The following TRIM11 variants were observed in gnomAD, a reference collection of about 807,000 sequenced individuals.
TRIM11 encodes E3 ubiquitin-protein ligase TRIM11.
Under a neutral mutation model 33.4 loss-of-function variants are expected in TRIM11, and 15 were observed. The ratio of observed to expected loss-of-function variants is 0.45; its 90% CI spans 0.30 to 0.69. The LOEUF (loss-of-function observed/expected upper bound fraction) is 0.69. Ranked by LOEUF, TRIM11 falls within the 30% of genes least tolerant of loss-of-function variation. The probability of loss-of-function intolerance (pLI) is 0.08; values close to 1 mark genes in which losing one functional copy is unlikely to be tolerated. For missense variants in TRIM11, 499 were observed against 667.6 expected, an observed-to-expected ratio of 0.75 and a Z score of 2.78; for synonymous variants, 281 against 302.6, an observed-to-expected ratio of 0.93 and a Z score of 0.74.
In TRIM11 at chr1:228,405,997, C is replaced by G. The variant is rs189031860; in HGVS notation, c.408+157G>C. ...GCCCCCACAGCCACCCTGCGCGACACCCCCCTCACAGGCCCACAGCAGGCT... is the reference window on the plus strand; with the variant it reads ...GCCCCCACAGCCACCCTGCGCGACAGCCCCCTCACAGGCCCACAGCAGGCT... On this transcript the variant is annotated intron_variant, in intron 1 of 5. Coordinates refer to ENST00000284551, the MANE Select transcript of TRIM11 (RefSeq NM_145214.3). 2.1e-3 allele frequency: 1,710 copies of G among 830,580 alleles called. 21 individuals are homozygous for G. In the African/African-American group the frequency reaches 0.028, roughly 14 times the overall value. The allele number at this position is 830,580 out of a possible 1,614,324, so 51.5% of individuals were successfully genotyped here.
At position 228,401,778 on chromosome 1, in the gene TRIM11, C is replaced by T. The variant is rs1208059474; in HGVS notation, c.504+288G>A. On this transcript the variant is annotated intron_variant, in intron 2 of 5. Coordinates refer to ENST00000284551, the MANE Select transcript of TRIM11 (RefSeq NM_145214.3). This position sits in a 1 kb window ranked among gnomAD's most constrained non-coding sequence, Gnocchi z 6.1. ...AGTCCCTCAAAACCTCCAAATTTAC[C>T]TCCAGGGCCCAGACCCTAAATACAC... Among the ~76,000 whole-genome samples, 8 of 152,172 alleles carry T rather than the reference C, an allele frequency of 5.3e-5. No homozygotes were observed. The highest frequency in any genetic ancestry group is 5.2e-4 in the Admixed American group (8 of 15,284).
At chr1:228,399,469 G>A (rs1241153810) in intron 3 of TRIM11, among the ~76,000 whole-genome samples, 1 of 56,606 alleles carries the variant, frequency 1.8e-5, no homozygotes, top group Admixed American at 2.5e-4. Context: ...CCGCCCACAT[G>A]CCACAATGTC....
Position 228,395,102 on chromosome 1 carries a change from A to T in TRIM11, c.1010T>A (p.Phe337Tyr). ...CTCCCAGTAGTGGCGGCCTGAGGTG[A>T]AGCGCTCCTGGCCCAGCACGCAGGG... Reference protein sequence around the residue: ...PGPCVLGQERFTSGRHYWEVE... With the variant: ...PGPCVLGQERYTSGRHYWEVE... Residue 337 changes from phenylalanine to tyrosine, a missense_variant, in exon 6 of 6, where the codon TTC becomes TAC. By Grantham distance (22) the Phe-to-Tyr change is conservative. Transcript: ENST00000284551. The surrounding 1 kb of genome is among the most constrained non-coding windows in gnomAD (Gnocchi z 4.8). The T allele has an allele frequency of 6.3e-7, 1 of 1,599,502 alleles. No individual in the cohort carries two copies. The highest frequency in any genetic ancestry group is 8.5e-7 in the Non-Finnish European group (1 of 1,173,542).
Position 228,400,980 on chromosome 1 carries a change from G to T in TRIM11, c.719C>A (p.Ala240Asp). 1 of 1,582,296 alleles carries T rather than the reference G, an allele frequency of 6.3e-7. No individual in the cohort carries two copies. Among genetic ancestry groups the T allele is most frequent in the Non-Finnish European group, 8.6e-7 (1 of 1,163,172 alleles). Residue 240 changes from alanine (A) to aspartate (D), a missense_variant, in exon 3 of 6, where the codon GCT (alanine) becomes GAT (aspartate). Transcript: ENST00000284551. This position sits in a 1 kb window ranked among gnomAD's most constrained non-coding sequence, Gnocchi z 4.5. ...CCAGCTCACCTGCAGCAGCCCCAGA[G>T]CAGGCAGCTGGCAGCGGCCCTCGAG... ...AELEGRCQLP[A>D]LGLLQDIKDA...
chr1:228,397,539 C>T (rs367853025), intron 3 of TRIM11: 81 of 237,076 alleles, frequency 3.4e-4, no homozygotes, highest in African/African-American at 1.7e-3. Flanking sequence ...AGCATAGGGG[C>T]ACCTCCACCC....
At position 228,394,735 on chromosome 1, in the gene TRIM11, A is replaced by G. The variant is rs201535262; in HGVS notation, c.1377T>C (p.Gly459=). 34 of 1,609,560 alleles carry G rather than the reference A, an allele frequency of 2.1e-5. No individual in the cohort carries two copies. Among genetic ancestry groups the G allele is most frequent in the Non-Finnish European group, 2.9e-5 (34 of 1,176,800 alleles). The change falls in exon 6 of 6, where the codon GGT becomes GGC. Residue 459 remains glycine, a synonymous_variant. Transcript: ENST00000284551. The surrounding 1 kb of genome is among the most constrained non-coding windows in gnomAD (Gnocchi z 6.2). The part of the protein sequence containing the change: ...PTPMTICRPK[G]GSGDTLAPQ ...GGGGAGCCAGGGTGTCCCCGGACCC[A>G]CCTTTCGGCCGGCAGATAGTCATCG...
At chr1:228,397,361 T>G (rs2074995835) in intron 3 of TRIM11, 196 bp from the exon 4 acceptor site, 2 of 648,124 alleles carry the variant, frequency 3.1e-6, no homozygotes, top group South Asian at 4.1e-5. Flanking sequence ...GGCTCTGACA[T>G]GTGTGCCAGG....
In TRIM11 at chr1:228,400,700, T is replaced by A. The variant is rs1360139976; in HGVS notation, c.735+264A>T. ...GACGAGATGGAGTGACCTTATGTAATCACTTAAGAAACATCAACTGTTTAC... is the reference window on the plus strand; with the variant it reads ...GACGAGATGGAGTGACCTTATGTAAACACTTAAGAAACATCAACTGTTTAC... On this transcript the variant is annotated intron_variant, in intron 3 of 5. Coordinates refer to ENST00000284551, the MANE Select transcript of TRIM11 (RefSeq NM_145214.3). This position sits in a 1 kb window ranked among gnomAD's most constrained non-coding sequence, Gnocchi z 4.5. Among the ~76,000 whole-genome samples, 1 of 152,160 alleles carries A rather than the reference T, an allele frequency of 6.6e-6. No homozygotes were observed. Among genetic ancestry groups the A allele is most frequent in the Non-Finnish European group, 1.5e-5 (1 of 68,026 alleles).
At chr1:228,404,599 T>C (rs1015193344) in intron 1 of TRIM11, 7 of 152,230 alleles carry the variant, frequency 4.6e-5, no homozygotes, top group African/African-American at 1.4e-4. Context: ...CTCTCTGTAC[T>C]CCTATCTGCC....
Position 228,406,225 on chromosome 1 carries a change from C to T in TRIM11, c.337G>A (p.Ala113Thr). ...CGDELRLLCA[A>T]CERSGEHWAH... ...CAGTGCTCCCCAGAGCGCTCGCAGG[C>T]CGCACACAGGAGGCGCAGCTCGTCG... is the stretch of plus-strand genomic sequence containing the variant. Residue 113 changes from alanine (A) to threonine (T), a missense_variant, in exon 1 of 6, where the codon GCC becomes ACC. By Grantham distance (58) the Ala-to-Thr change is moderately conservative. Coordinates refer to ENST00000284551, the MANE Select transcript of TRIM11 (RefSeq NM_145214.3). The surrounding 1 kb of genome is among the most constrained non-coding windows in gnomAD (Gnocchi z 8.2). 1 of 1,489,212 alleles carries T rather than the reference C, an allele frequency of 6.7e-7. No individual in the cohort carries two copies. The highest frequency in any genetic ancestry group is 1.3e-5 in the South Asian group (1 of 79,126). 92.2% of individuals were successfully genotyped at this position (1,489,212 alleles called of 1,614,324 possible).
rs1266710043 is a variant in TRIM11, at chr1:228,400,934, G to C, written c.735+30C>G. 1 of 1,514,176 alleles carries C rather than the reference G, an allele frequency of 6.6e-7. No individual in the cohort carries two copies. Among genetic ancestry groups the C allele is most frequent in the Non-Finnish European group, 8.8e-7 (1 of 1,133,486 alleles). The allele number at this position is 1,514,176 out of a possible 1,614,324, so 93.8% of individuals were successfully genotyped here. ...AGTGTGGCCAGGCCATGCCCGTGTG[G>C]CCACCATGGCTGCTCCCCGCCCAGC... On this transcript the variant is annotated intron_variant, in intron 3 of 5. Transcript: ENST00000284551. The surrounding 1 kb of genome is among the most constrained non-coding windows in gnomAD (Gnocchi z 4.5).
chr1:228,394,821 C>T lies in TRIM11; in HGVS notation c.1291G>A (p.Glu431Lys), dbSNP rs370800532. 15 of 1,613,904 alleles carry T rather than the reference C, an allele frequency of 9.3e-6. No individual in the cohort carries two copies. Among genetic ancestry groups the T allele is most frequent in the Admixed American group, 5.0e-5 (3 of 60,004 alleles). ...CGCAGCGTCCCCGAGAAGGGGATCTCGGGAAAGATGAATAGCAGTGACCCA... is the reference window on the plus strand; with the variant it reads ...CGCAGCGTCCCCGAGAAGGGGATCTTGGGAAAGATGAATAGCAGTGACCCA... ...TDGSLLFIFP[E>K]IPFSGTLRPL... Residue 431 changes from glutamate to lysine, a missense_variant, in exon 6 of 6, where the codon GAG (glutamate) becomes AAG (lysine). Transcript: ENST00000284551. This position sits in a 1 kb window ranked among gnomAD's most constrained non-coding sequence, Gnocchi z 6.2.
At chr1:228,397,189 C>T in intron 3 of TRIM11, 24 bp from the exon 4 acceptor site, 1 of 1,607,622 alleles carries the variant, frequency 6.2e-7, no homozygotes, top group Non-Finnish European at 8.5e-7. Context: ...AGAAACAGCA[C>T]ACTCGGTGTC....
chr1:228,402,531 G>A (rs998800034), intron 1 of TRIM11: 1 of 175,338 alleles, frequency 5.7e-6, no homozygotes, highest in South Asian at 1.2e-4. Context: ...TCCCAAGCCA[G>A]TGTCTACTCC....
Position 228,400,940 on chromosome 1 carries a change from A to G in TRIM11, c.735+24T>C. 6.6e-7 allele frequency: 1 copy of G among 1,525,836 alleles called. No homozygotes were observed. The highest frequency in any genetic ancestry group is 8.8e-7 in the Non-Finnish European group (1 of 1,138,416). The allele number at this position is 1,525,836 out of a possible 1,614,324, so 94.5% of individuals were successfully genotyped here. A position where few individuals can be genotyped will look rare whatever the true frequency, so the allele number is the denominator to read the frequency against. ...GCCAGGCCATGCCCGTGTGGCCACC[A>G]TGGCTGCTCCCCGCCCAGCTCACCT... On this transcript the variant is annotated intron_variant, in intron 3 of 5. Coordinates refer to ENST00000284551, the MANE Select transcript of TRIM11 (RefSeq NM_145214.3). The surrounding 1 kb of genome is among the most constrained non-coding windows in gnomAD (Gnocchi z 4.5).
chr1:228,397,267 C>T (rs2074995157), intron 3 of TRIM11, 102 bp from the exon 4 acceptor site: 4 of 1,417,014 alleles, frequency 2.8e-6, no homozygotes, highest in African/African-American at 1.4e-5. Flanking sequence ...CCCTCTCCTA[C>T]ATTTGAGCGT....
At chr1:228,396,612 C>A in intron 5 of TRIM11, 1 of 680,082 alleles carries the variant, frequency 1.5e-6, no homozygotes. Context: ...TTGTGACTGG[C>A]ATCTGAAGTG....
chr1:228,404,895 C>A (rs1383389402), intron 1 of TRIM11: 1 of 152,228 alleles, frequency 6.6e-6, no homozygotes, highest in African/African-American at 2.4e-5. Flanking sequence ...AAATATTAAT[C>A]AAATTGTATG....
rs1392046640 is a variant in TRIM11, at chr1:228,395,290, C to A, written c.860-38G>T. On this transcript the variant is annotated intron_variant, in intron 5 of 5. Transcript: ENST00000284551. This position sits in a 1 kb window ranked among gnomAD's most constrained non-coding sequence, Gnocchi z 4.8. ...GCCCAAGGTCACCCAGGCACAGCCA[C>A]AGGCAAGCTGGGGCCATCTGCCCAT... 2 of 1,418,780 alleles carry A rather than the reference C, an allele frequency of 1.4e-6. No individual in the cohort carries two copies. Among genetic ancestry groups the A allele is most frequent in the Non-Finnish European group, 1.8e-6 (2 of 1,090,238 alleles). The allele number at this position is 1,418,780 out of a possible 1,614,324, so 87.9% of individuals were successfully genotyped here.
Sources: allele counts gnomAD v4.1 joint callset (sites outside exome capture counted in the v4.1 genomes callset), GRCh38; gene constraint gnomAD v4.1.1; non-coding constraint Gnocchi (gnomAD v3.1); transcripts MANE v1.5; gene names NCBI Gene and HGNC (gene_info 2026-07-23, HGNC 2026-07-21).